The following MALRD1 variants were observed in gnomAD, a reference collection of about 807,000 sequenced individuals.
MALRD1 encodes the protein MAM and LDL receptor class A domain containing 1, also known as MAM and LDL-receptor class A domain-containing protein 1.
Under a neutral mutation model 242.1 loss-of-function variants are expected in MALRD1, and 247 were observed. The ratio of observed to expected loss-of-function variants is 1.02; its 90% CI spans 0.92 to 1.13. The LOEUF is 1.13. MALRD1 is among the 50% of genes most tolerant of loss of function. The pLI, the probability that MALRD1 is intolerant of heterozygous loss-of-function variation, is 0.00. For missense variants in MALRD1, 2,989 were observed against 2,533.1 expected (o/e 1.18, Z -3.86); for synonymous variants, 995 against 866.6 (o/e 1.15, Z -2.60).
At chr10:19,108,975 A>G (rs914830726) in intron 5 of MALRD1, among the ~76,000 whole-genome samples, 2 of 152,106 alleles carry the variant, frequency 1.3e-5, no homozygotes, top group African/African-American at 4.8e-5. Context: ...TTCAGGGGGA[A>G]ATATTTTCAC....
At chr10:19,633,136 G>A (rs1839980790) in intron 36 of MALRD1, among the ~76,000 whole-genome samples, 1 of 152,094 alleles carries the variant, frequency 6.6e-6, no homozygotes, top group African/African-American at 2.4e-5. Flanking sequence ...GGAGGTTGAG[G>A]CTGGAGATCA....
intron 38 of MALRD1, among the ~76,000 whole-genome samples, chr10:19,723,025 T>A (rs952122583): frequency 1.3e-5 from 2 of 152,126 alleles, no homozygotes; most frequent in Admixed American, 6.5e-5. Context: ...TAAGTAACGT[T>A]TAAAAATTCT....
In MALRD1 at chr10:19,516,021, A is replaced by G. The variant is rs182249954; in HGVS notation, c.5321-15173A>G. Among the ~76,000 whole-genome samples, 306 of 152,320 alleles carry G rather than the reference A, an allele frequency of 2.0e-3. 1 individual carries two copies. The highest frequency in any genetic ancestry group is 6.9e-3 in the African/African-American group (287 of 41,568). On this transcript the variant is annotated intron_variant, in intron 31 of 39. Transcript: ENST00000454679. ...AAGATGAGACGTTAAACAACTAGCT[A>G]TCGTCTTAAGTTATTTTCATTGCTG... is the stretch of plus-strand genomic sequence containing the variant.
chr10:19,324,835 T>C (rs1432498400), intron 22 of MALRD1, among the ~76,000 whole-genome samples: 1 of 151,878 alleles, frequency 6.6e-6, no homozygotes, highest in Non-Finnish European at 1.5e-5. Context: ...TTTCCTATTA[T>C]ATAACCAATA....
rs778075627 is a variant in MALRD1 at position 19,205,248 on chromosome 10, C to A, written c.2561C>A (p.Thr854Asn). 1 of 1,548,566 alleles carries A rather than the reference C, an allele frequency of 6.5e-7. No homozygotes were observed. Among genetic ancestry groups the A allele is most frequent in the Non-Finnish European group, 8.7e-7 (1 of 1,145,910 alleles). The change falls in exon 17 of 40, where the codon ACT (threonine) becomes AAT (asparagine). Residue 854 changes from threonine to asparagine, a missense_variant. Thr to Asn is a moderately conservative substitution (Grantham distance 65). Transcript: ENST00000454679. ...CDLVDDCGDR[T>N]DEVNCAPELQ... ...CTGGTGGATGACTGTGGTGATCGTA[C>A]TGATGAAGTCAACTGTGGTAAGTTC...
chr10:19,237,957 G>GAGTTTTATATAGTTATATACATTATAAA (rs1564491337), intron 18 of MALRD1, among the ~76,000 whole-genome samples: 1 of 64,744 alleles, frequency 1.5e-5, no homozygotes, highest in Admixed American at 2.5e-4. Flanking sequence ...TAAATTATAT[G>GAGTTTTATATAGTTATATACATTATAAA]TAATTTTATA....
intron 12 of MALRD1, among the ~76,000 whole-genome samples, chr10:19,161,550 C>A (rs200728688): frequency 7.2e-3 from 439 of 60,688 alleles, no homozygotes; most frequent in East Asian, 0.012. Context: ...AAAAAAAAAG[C>A]AAAAAAAAAA....
At chr10:19,531,609 T>C (rs1240209980) in intron 32 of MALRD1, among the ~76,000 whole-genome samples, 1 of 152,154 alleles carries the variant, frequency 6.6e-6, no homozygotes, top group Non-Finnish European at 1.5e-5. Flanking sequence ...TATCTGGAGA[T>C]AAAAGAGTTT....
intron 7 of MALRD1, among the ~76,000 whole-genome samples, chr10:19,124,935 CTTTTTTTTTTT>C (rs1173453764): frequency 7.6e-5 from 4 of 52,590 alleles, no homozygotes; most frequent in Non-Finnish European, 1.3e-4. Context: ...TATTAAAAGG[CTTTTTTTTTTT>C]TTTTTTTTTT....
intron 34 of MALRD1, among the ~76,000 whole-genome samples, chr10:19,601,270 T>C (rs1324990488): frequency 1.3e-5 from 2 of 152,108 alleles, no homozygotes; most frequent in Non-Finnish European, 1.5e-5. Flanking sequence ...TTTTGAAACC[T>C]AAGTTTTCCA....
intron 14 of MALRD1, among the ~76,000 whole-genome samples, chr10:19,187,772 G>A (rs1050489571): frequency 1.3e-5 from 2 of 152,092 alleles, no homozygotes; most frequent in African/African-American, 4.8e-5. Flanking sequence ...GAGTTCACAT[G>A]GACATAAATA....
At chr10:19,407,187 TGGCCA>T in intron 28 of MALRD1, among the ~76,000 whole-genome samples, 1 of 152,214 alleles carries the variant, frequency 6.6e-6, no homozygotes, top group East Asian at 1.9e-4. Context: ...AAATAACCCC[TGGCCA>T]GGCATGGTGG....
At chr10:19,221,338 A>T (rs990547796) in intron 18 of MALRD1, among the ~76,000 whole-genome samples, 2 of 152,162 alleles carry the variant, frequency 1.3e-5, no homozygotes, top group Non-Finnish European at 2.9e-5. Flanking sequence ...ATACAACTTC[A>T]TGGAACATTT....
chr10:19,222,137 C>G (rs1837582710), intron 18 of MALRD1, among the ~76,000 whole-genome samples: 1 of 151,844 alleles, frequency 6.6e-6, no homozygotes. Flanking sequence ...CCCTTCCTCT[C>G]TCCTTGAGTT....
intron 19 of MALRD1, among the ~76,000 whole-genome samples, chr10:19,262,216 T>C (rs2131821577): frequency 6.6e-6 from 1 of 152,272 alleles, no homozygotes; most frequent in East Asian, 1.9e-4. Flanking sequence ...TATTAAGATA[T>C]AATTGGCAAA....
chr10:19,270,701 G>A (rs1030538349), intron 19 of MALRD1, among the ~76,000 whole-genome samples: 2 of 151,980 alleles, frequency 1.3e-5, no homozygotes, highest in Admixed American at 6.6e-5. Context: ...AAGAACAGAA[G>A]TCAGAGGACA....
At chr10:19,112,005 C>G (rs986313454) in intron 5 of MALRD1, among the ~76,000 whole-genome samples, 2 of 152,160 alleles carry the variant, frequency 1.3e-5, no homozygotes, top group East Asian at 1.9e-4. Context: ...ATGGGACTCT[C>G]TAGCCAAGTT....
chr10:19,385,552 G>T (rs953506117), intron 26 of MALRD1, among the ~76,000 whole-genome samples: 2 of 151,912 alleles, frequency 1.3e-5, no homozygotes, highest in Non-Finnish European at 2.9e-5. Flanking sequence ...AAGTCTCAAT[G>T]ATCCTTTATG....
At chr10:19,315,812 C>T (rs1266830796) in intron 21 of MALRD1, among the ~76,000 whole-genome samples, 2 of 142,762 alleles carry the variant, frequency 1.4e-5, no homozygotes, top group Non-Finnish European at 3.0e-5. Context: ...TTACTAGGCA[C>T]ACAGTCCATA....
Sources: gnomAD v4.1 joint callset for allele counts (sites outside exome capture counted in the v4.1 genomes callset) on GRCh38, gnomAD v4.1.1 for gene constraint, MANE v1.5 for transcripts, NCBI Gene and HGNC (gene_info 2026-07-23, HGNC 2026-07-21) for gene names.